SLC4A4: variants seen among roughly 807,000 people sequenced by gnomAD.
SLC4A4 encodes electrogenic sodium bicarbonate cotransporter 1.
In SLC4A4, 27 loss-of-function variants were observed where a neutral mutation model predicts 111.5. The observed-to-expected ratio is 0.24, with a 90% CI of 0.18 to 0.33. The LOEUF (loss-of-function observed/expected upper bound fraction) is 0.33, where lower values mean the gene tolerates loss of function less well. SLC4A4 is among the 10% of genes least tolerant of loss of function. The pLI is 1.00. For missense variants in SLC4A4, 909 were observed against 1,315.5 expected (o/e 0.69, Z 4.78); for synonymous variants, 443 against 463.4 (o/e 0.96, Z 0.57).
chr4:71,330,630 C>A (rs1275702711), intron 3 of SLC4A4, among the ~76,000 whole-genome samples: 2 of 151,962 alleles, frequency 1.3e-5, no homozygotes, highest in African/African-American at 4.8e-5. Context: ...CCATAAAAAC[C>A]CTAGAAGAAA....
At chr4:71,409,264 T>C (rs1721145763) in intron 7 of SLC4A4, among the ~76,000 whole-genome samples, 1 of 152,214 alleles carries the variant, frequency 6.6e-6, no homozygotes, top group Admixed American at 6.5e-5. Context: ...TGGAACAGTT[T>C]GGAGGTCTCA....
At chr4:71,172,499 C>T (rs542418828) in intron 2 of SLC4A4, among the ~76,000 whole-genome samples, 101 of 152,270 alleles carry the variant, frequency 6.6e-4, no homozygotes, top group African/African-American at 2.4e-3. Context: ...TGTGATCTGC[C>T]CGCCTCAGCC....
At chr4:71,172,806 G>C (rs1261305962) in intron 2 of SLC4A4, among the ~76,000 whole-genome samples, 1 of 152,056 alleles carries the variant, frequency 6.6e-6, no homozygotes. Flanking sequence ...CCAAGAAAAA[G>C]ATTTCCCTCC....
At position 71,080,144 on chromosome 4, in the gene SLC4A4, C is replaced by T. The variant is rs866544853; in HGVS notation, c.-64-12586C>T. Among the ~76,000 whole-genome samples, 3 of 152,126 alleles carry T rather than the reference C, an allele frequency of 2.0e-5. No individual in the cohort carries two copies. In the South Asian group the frequency reaches 6.2e-4, roughly 31 times the overall value. ...TGCCAGGAATCGAAGGCAGTTGTTA[C>T]CTTGACAGCAGGAGTGCAGCATGCA... On this transcript the variant is annotated intron_variant, in intron 1 of 26. Coordinates refer to the SLC4A4 transcript ENST00000649996.
rs541820922 is a variant in SLC4A4 at position 71,181,877 on chromosome 4, G to T, written c.-1-54699G>T. On this transcript the variant is annotated intron_variant, in intron 2 of 26. Coordinates refer to the SLC4A4 transcript ENST00000649996. ...ATCTCTGTGCTTTATTTCTTCTAGGGCTAAGGGGATTCTACAATTTCTCAC... is the reference window on the plus strand; with the variant it reads ...ATCTCTGTGCTTTATTTCTTCTAGGTCTAAGGGGATTCTACAATTTCTCAC... 4.6e-5 allele frequency among the ~76,000 whole-genome samples: 7 copies of T among 152,220 alleles called. 1 individual carries two copies. Among genetic ancestry groups the T allele is most frequent in the African/African-American group, 1.7e-4 (7 of 41,532 alleles).
At chr4:71,529,729 T>TA (rs34688036) in intron 16 of SLC4A4, among the ~76,000 whole-genome samples, 3 of 152,076 alleles carry the variant, frequency 2.0e-5, no homozygotes, top group African/African-American at 7.2e-5. Context: ...TCCTGTTTAT[T>TA]AAAAAAAGGA....
At chr4:71,088,663 A>C (rs1272842160) in intron 1 of SLC4A4, among the ~76,000 whole-genome samples, 1 of 151,920 alleles carries the variant, frequency 6.6e-6, no homozygotes, top group Admixed American at 6.6e-5. Context: ...TTCACTTATG[A>C]AGCTTAGTTT....
chr4:71,504,243 G>A (rs973547201), intron 16 of SLC4A4, among the ~76,000 whole-genome samples: 14 of 151,992 alleles, frequency 9.2e-5, no homozygotes, highest in African/African-American at 3.4e-4. Context: ...TGTTAAATAG[G>A]TTTTCTGTTA....
At chr4:71,287,451 A>T (rs1056156942) in intron 3 of SLC4A4, among the ~76,000 whole-genome samples, 1 of 152,200 alleles carries the variant, frequency 6.6e-6, no homozygotes, top group Non-Finnish European at 1.5e-5. Context: ...CCTGTGTTTT[A>T]TAGGCTTTTG....
chr4:71,258,890 G>T (rs559760209), intron 3 of SLC4A4, among the ~76,000 whole-genome samples: 1 of 152,136 alleles, frequency 6.6e-6, no homozygotes, highest in Admixed American at 6.5e-5. Context: ...AAACTGAACC[G>T]CAAGGCACAT....
intron 1 of SLC4A4, among the ~76,000 whole-genome samples, chr4:71,090,356 T>A (rs1215342461): frequency 2.0e-5 from 3 of 152,198 alleles, no homozygotes; most frequent in Non-Finnish European, 4.4e-5. Context: ...GGTGAGGCAA[T>A]GCCTCACCCT....
At position 71,403,044 on chromosome 4, in the gene SLC4A4, G is replaced by T. The variant is rs967260648; in HGVS notation, c.807+5391G>T. Among the ~76,000 whole-genome samples the T allele has an allele frequency of 1.5e-4, 23 of 152,082 alleles. 1 individual carries two copies. Among genetic ancestry groups the T allele is most frequent in the African/African-American group, 5.3e-4 (22 of 41,404 alleles). On this transcript the variant is annotated intron_variant, in intron 7 of 25. Coordinates refer to ENST00000264485, the MANE Select transcript of SLC4A4 (RefSeq NM_001098484.3). Reference sequence around the variant, plus strand: ...TTAAAATTGGGACAGTTGCATCTCCGCATTTATTAATGTTGTACATTCTTA... The same window carrying T: ...TTAAAATTGGGACAGTTGCATCTCCTCATTTATTAATGTTGTACATTCTTA...
intron 1 of SLC4A4, among the ~76,000 whole-genome samples, chr4:71,197,802 A>T (rs1291261556): frequency 1.3e-5 from 2 of 152,248 alleles, no homozygotes; most frequent in Non-Finnish European, 2.9e-5. Context: ...ATCACTGATT[A>T]TATGTATAAC....
At chr4:71,160,503 C>A (rs1224607734) in intron 2 of SLC4A4, among the ~76,000 whole-genome samples, 1 of 151,884 alleles carries the variant, frequency 6.6e-6, no homozygotes, top group East Asian at 1.9e-4. Context: ...ATCAAAGGAA[C>A]ACTCACAGAT....
intron 3 of SLC4A4, among the ~76,000 whole-genome samples, chr4:71,298,379 T>C (rs1724972646): frequency 2.0e-5 from 3 of 152,186 alleles, no homozygotes; most frequent in Non-Finnish European, 4.4e-5. Context: ...AGAACAGAGA[T>C]AAATAAAGGC....
chr4:71,288,730 G>A (rs1322365087), intron 3 of SLC4A4, among the ~76,000 whole-genome samples: 1 of 151,970 alleles, frequency 6.6e-6, no homozygotes, highest in African/African-American at 2.4e-5. Context: ...GCTTTGAAGG[G>A]TGTTGTGAGC....
intron 6 of SLC4A4, among the ~76,000 whole-genome samples, chr4:71,383,536 A>G (rs972925309): frequency 1.3e-5 from 2 of 152,338 alleles, no homozygotes; most frequent in Admixed American, 1.3e-4. Flanking sequence ...TTCTTAGACT[A>G]GAAAATTACA....
chr4:71,540,988 A>T (rs1164227283), intron 18 of SLC4A4, among the ~76,000 whole-genome samples: 1 of 152,046 alleles, frequency 6.6e-6, no homozygotes, highest in Non-Finnish European at 1.5e-5. Flanking sequence ...ACAGTTGGAA[A>T]TTTTTTTGTT....
At chr4:71,216,121 C>T (rs1324695744) in intron 1 of SLC4A4, among the ~76,000 whole-genome samples, 1 of 152,066 alleles carries the variant, frequency 6.6e-6, no homozygotes, top group Non-Finnish European at 1.5e-5. Context: ...GTTGGCCATG[C>T]TGGTCTCGAA....
Sources: allele counts gnomAD v4.1 joint callset (sites outside exome capture counted in the v4.1 genomes callset), GRCh38; gene constraint gnomAD v4.1.1; transcripts MANE v1.5; gene names NCBI Gene and HGNC (gene_info 2026-07-23, HGNC 2026-07-21).